STARD13: variants seen among roughly 807,000 people sequenced by gnomAD.
The protein encoded by STARD13 is StAR related lipid transfer domain containing 13, also known as stAR-related lipid transfer protein 13.
STARD13 carries 62 observed loss-of-function variants against 106.4 expected under a neutral mutation model. The ratio of observed to expected loss-of-function variants is 0.58; its 90% CI spans 0.48 to 0.72. The LOEUF (loss-of-function observed/expected upper bound fraction) is 0.72, where lower values mean the gene tolerates loss of function less well. STARD13 is among the 30% of genes least tolerant of loss of function. The pLI is 0.00. For missense variants in STARD13, 1,387 were observed against 1,424.0 expected (o/e 0.97, Z 0.42); for synonymous variants, 565 against 553.0 (o/e 1.02, Z -0.31).
At chr13:33,229,119 A>G (rs1277922639) in intron 1 of STARD13, among the ~76,000 whole-genome samples, 1 of 152,230 alleles carries the variant, frequency 6.6e-6, no homozygotes, top group Non-Finnish European at 1.5e-5. Flanking sequence ...AGCAGCCTGT[A>G]TGGGCTTCTA....
At chr13:33,444,023 G>T in the STARD13 span, among the ~76,000 whole-genome samples, 43 of 152,136 alleles carry the variant, frequency 2.8e-4, no homozygotes, top group Middle Eastern at 3.4e-3. Flanking sequence ...ATTATAGTTA[G>T]CTCTATAAAC....
the STARD13 span, among the ~76,000 whole-genome samples, chr13:33,393,444 C>T: frequency 6.6e-6 from 1 of 152,132 alleles, no homozygotes; most frequent in East Asian, 1.9e-4. Context: ...TAGATAGCTC[C>T]AATCTTTTGG....
the STARD13 span, among the ~76,000 whole-genome samples, chr13:33,386,217 C>T: frequency 1.2e-4 from 19 of 152,292 alleles, no homozygotes; most frequent in South Asian, 3.7e-3. Flanking sequence ...GTCCTAAGGA[C>T]AACCTCATTT....
intron 1 of STARD13, among the ~76,000 whole-genome samples, chr13:33,337,146 G>A (rs1166865936): frequency 6.6e-6 from 1 of 152,100 alleles, no homozygotes; most frequent in Non-Finnish European, 1.5e-5. Flanking sequence ...AGAGACAAAT[G>A]GGAATAATGA....
the STARD13 span, among the ~76,000 whole-genome samples, chr13:33,664,877 C>T: frequency 1.1e-4 from 16 of 152,232 alleles, no homozygotes; most frequent in Non-Finnish European, 1.9e-4. Context: ...CCGCCCGCCT[C>T]GGCCTCCCAA....
At chr13:33,660,228 T>C in the STARD13 span, among the ~76,000 whole-genome samples, 4 of 152,234 alleles carry the variant, frequency 2.6e-5, no homozygotes, top group Non-Finnish European at 5.9e-5. Flanking sequence ...TGTTTTTTTA[T>C]GTCAATGACA....
At chr13:33,521,445 G>T in the STARD13 span, among the ~76,000 whole-genome samples, 24 of 152,124 alleles carry the variant, frequency 1.6e-4, no homozygotes, top group Admixed American at 9.2e-4. Flanking sequence ...TAGGAAAACA[G>T]CAAGGGAAAC....
Position 33,112,289 on chromosome 13 carries a change from G to C in STARD13, c.2493-397C>G, listed in dbSNP as rs530983970. Among the ~76,000 whole-genome samples the C allele has an allele frequency of 2.6e-5, 4 of 152,216 alleles. No individual in the cohort carries two copies. The South Asian group carries it at 8.3e-4, about 32-fold the overall frequency. On this transcript the variant is annotated intron_variant, in intron 9 of 13. Transcript: ENST00000336934. ...ACTCAAGCTTTCTGGATCACAGCTG[G>C]CATTCTTCAATGCTAGCTCAATAAT...
At chr13:33,186,906 G>T (rs559367010) in intron 1 of STARD13, among the ~76,000 whole-genome samples, 18 of 152,174 alleles carry the variant, frequency 1.2e-4, no homozygotes, top group Non-Finnish European at 2.6e-4. Flanking sequence ...GCGTTCCTAG[G>T]CTTGCAAAGA....
intron 1 of STARD13, among the ~76,000 whole-genome samples, chr13:33,241,379 A>G (rs961275260): frequency 6.6e-4 from 101 of 152,338 alleles, no homozygotes; most frequent in African/African-American, 2.3e-3. Context: ...ATTGATATTA[A>G]TGCAGTTTTT....
chr13:33,584,228 A>G, the STARD13 span, among the ~76,000 whole-genome samples: 1 of 152,192 alleles, frequency 6.6e-6, no homozygotes, highest in Non-Finnish European at 1.5e-5. Context: ...TAATTTATAA[A>G]TTATGAAGAA....
intron 1 of STARD13, among the ~76,000 whole-genome samples, chr13:33,306,204 C>G (rs4943094): frequency 0.64 from 98,004 of 152,076 alleles, 33,733 homozygotes; most frequent in Non-Finnish European, 0.77. Context: ...TTCAACAAAG[C>G]TGACAAAAAC....
exon 1 of STARD13, chr13:33,350,420 T>A: frequency 6.5e-7 from 1 of 1,531,306 alleles, no homozygotes; most frequent in Non-Finnish European, 8.7e-7. Context: ...TCATTTTAGA[T>A]CCGTCCTCAT....
chr13:33,234,283 A>G (rs1352261176), intron 1 of STARD13, among the ~76,000 whole-genome samples: 2 of 152,162 alleles, frequency 1.3e-5, no homozygotes, highest in African/African-American at 4.8e-5. Context: ...CTTTGTCCTC[A>G]AGTGACTTTG....
At chr13:33,350,029 C>A (rs1389017861) in intron 1 of STARD13, among the ~76,000 whole-genome samples, 1 of 152,300 alleles carries the variant, frequency 6.6e-6, no homozygotes, top group South Asian at 2.1e-4. Flanking sequence ...TAACCCGTCC[C>A]GCGGCCCGCC....
the STARD13 span, among the ~76,000 whole-genome samples, chr13:33,554,156 ATACT>A: frequency 2.0e-5 from 3 of 152,298 alleles, no homozygotes; most frequent in Non-Finnish European, 2.9e-5. Context: ...AAATAGTATA[ATACT>A]TATATAGGGA....
chr13:33,152,066 G>T (rs947792075), intron 3 of STARD13, among the ~76,000 whole-genome samples: 25 of 152,188 alleles, frequency 1.6e-4, no homozygotes, highest in African/African-American at 5.8e-4. Flanking sequence ...TAGGGGCCCT[G>T]TCACATTCAG....
At chr13:33,553,148 T>C in the STARD13 span, among the ~76,000 whole-genome samples, 1 of 152,140 alleles carries the variant, frequency 6.6e-6, no homozygotes, top group Non-Finnish European at 1.5e-5. Context: ...TTGCATTTGA[T>C]CTAGCAGTTA....
the STARD13 span, among the ~76,000 whole-genome samples, chr13:33,464,464 G>T: frequency 6.6e-6 from 1 of 152,096 alleles, no homozygotes; most frequent in African/African-American, 2.4e-5. Context: ...ATGCTTCATT[G>T]CCCTTTAAAG....
Sources: gnomAD v4.1 joint callset for allele counts (sites outside exome capture counted in the v4.1 genomes callset) on GRCh38, gnomAD v4.1.1 for gene constraint, MANE v1.5 for transcripts, NCBI Gene and HGNC (gene_info 2026-07-23, HGNC 2026-07-21) for gene names.